DPYSL2: variants seen among roughly 807,000 people sequenced by gnomAD.
DPYSL2 encodes the protein dihydropyrimidinase-related protein 2.
A neutral mutation model predicts 69.9 loss-of-function variants in DPYSL2; 13 were observed. That is an observed-to-expected ratio of 0.19 (90% CI 0.12 to 0.30). The LOEUF is 0.30. Ranked by LOEUF, DPYSL2 falls within the 10% of genes least tolerant of loss-of-function variation. The pLI is 1.00. For synonymous variants in DPYSL2, 326 were observed against 359.1 expected, an observed-to-expected ratio of 0.91 and a Z score of 1.04; for missense variants, 587 against 918.9, an observed-to-expected ratio of 0.64 and a Z score of 4.67.
chr8:26,594,873 C>T (rs181201710), intron 3 of DPYSL2, among the ~76,000 whole-genome samples: 8 of 152,214 alleles, frequency 5.3e-5, no homozygotes, highest in Admixed American at 5.2e-4. Flanking sequence ...GCAGGAAAAA[C>T]AACGATGTAT....
At chr8:26,543,383 G>C (rs1800714811) in intron 1 of DPYSL2, among the ~76,000 whole-genome samples, 1 of 152,060 alleles carries the variant, frequency 6.6e-6, no homozygotes, top group Non-Finnish European at 1.5e-5. Context: ...AACAAGTCCT[G>C]ATATACACTG....
rs1020006069 is a variant in DPYSL2 at position 26,586,879 on chromosome 8, C to A, written c.628+2896C>A. Reference sequence around the variant, plus strand: ...TAGAGTGGGGCATCCAATGAGCGAACCTCAAGGAATAAAAGTCATCAGAGG... The same window carrying A: ...TAGAGTGGGGCATCCAATGAGCGAAACTCAAGGAATAAAAGTCATCAGAGG... On this transcript the variant is annotated intron_variant, in intron 3 of 13. Transcript: ENST00000521913. The surrounding 1 kb of genome is among the most constrained non-coding windows in gnomAD (Gnocchi z 4.7). Among the ~76,000 whole-genome samples the A allele has an allele frequency of 6.6e-6, 1 of 152,152 alleles. No individual in the cohort carries two copies. Among genetic ancestry groups the A allele is most frequent in the Admixed American group, 6.5e-5 (1 of 15,280 alleles).
Position 26,617,516 on chromosome 8 carries a change from G to GA in DPYSL2, c.629-6618dup, listed in dbSNP as rs919137760. On this transcript the variant is annotated intron_variant, in intron 3 of 13. Coordinates refer to ENST00000521913, the MANE Select transcript of DPYSL2 (RefSeq NM_001197293.3). The surrounding 1 kb of genome is among the most constrained non-coding windows in gnomAD (Gnocchi z 4.7). Reference sequence around the variant, plus strand: ...TCTCAACAAAAGAAAAAGGATAAAAGAAAAAAAAATTAAAAGTAGGGTCAT... The same window carrying GA: ...TCTCAACAAAAGAAAAAGGATAAAAGAAAAAAAAAATTAAAAGTAGGGTCAT... Among the ~76,000 whole-genome samples, 15 of 151,148 alleles carry GA rather than the reference G, an allele frequency of 9.9e-5. No homozygotes were observed. The highest frequency in any genetic ancestry group is 3.2e-4 in the African/African-American group (13 of 41,212).
intron 1 of DPYSL2, among the ~76,000 whole-genome samples, chr8:26,561,887 G>A (rs1489360764): frequency 6.6e-6 from 1 of 152,152 alleles, no homozygotes; most frequent in Non-Finnish European, 1.5e-5. Context: ...CCTACTGTGA[G>A]GCCCAGTTCC....
chr8:26,632,768 G>A (rs1185849440), intron 7 of DPYSL2, among the ~76,000 whole-genome samples: 1 of 152,226 alleles, frequency 6.6e-6, no homozygotes, highest in Admixed American at 6.5e-5. Flanking sequence ...AGACGTCCCT[G>A]TCCCCGCCTG....
chr8:26,526,303 C>T (rs1382438669), intron 1 of DPYSL2, among the ~76,000 whole-genome samples: 1 of 152,112 alleles, frequency 6.6e-6, no homozygotes, highest in Non-Finnish European at 1.5e-5. Flanking sequence ...CCATGTTAGC[C>T]AGGATGGTCT....
rs560577348 is a variant in DPYSL2 at position 26,588,279 on chromosome 8, G to A, written c.628+4296G>A. On this transcript the variant is annotated intron_variant, in intron 3 of 13. Coordinates refer to ENST00000521913, the MANE Select transcript of DPYSL2 (RefSeq NM_001197293.3). This position sits in a 1 kb window ranked among gnomAD's most constrained non-coding sequence, Gnocchi z 5.4. The stretch of plus-strand genomic sequence containing the variant: ...AGCAGGCGCTGTCTAGGCGTGGCTG[G>A]CGGACTGTGTGCTTTGTGTGTTGCT... 1.3e-5 allele frequency among the ~76,000 whole-genome samples: 2 copies of A among 152,200 alleles called. No individual in the cohort carries two copies. The highest frequency in any genetic ancestry group is 2.4e-5 in the African/African-American group (1 of 41,448).
In DPYSL2 at chr8:26,627,458, C is replaced by T. The variant is rs1802644528; in HGVS notation, c.936+163C>T. Among the ~76,000 whole-genome samples, 1 of 152,172 alleles carries T rather than the reference C, an allele frequency of 6.6e-6. No homozygotes were observed. The highest frequency in any genetic ancestry group is 1.5e-5 in the Non-Finnish European group (1 of 68,038). ...TCAGTCTCACCCATGGCATGAATGC[C>T]AGTGACACACGTGCCTCTCCGTGTG... On this transcript the variant is annotated intron_variant, in intron 6 of 13. Coordinates refer to ENST00000521913, the MANE Select transcript of DPYSL2 (RefSeq NM_001197293.3). This position sits in a 1 kb window ranked among gnomAD's most constrained non-coding sequence, Gnocchi z 6.9.
chr8:26,546,346 T>G (rs1800767777), intron 1 of DPYSL2, among the ~76,000 whole-genome samples: 1 of 152,226 alleles, frequency 6.6e-6, no homozygotes, highest in African/African-American at 2.4e-5. Flanking sequence ...CCTTGTATCT[T>G]GCAACTTTGC....
At chr8:26,623,815 G>A (rs570467493) in intron 3 of DPYSL2, 1 of 231,232 alleles carries the variant, frequency 4.3e-6, no homozygotes. Context: ...GCTGCTCCCC[G>A]GCCATTTGAC....
rs73567622 is a variant in DPYSL2, at chr8:26,617,255, T to C, written c.629-6888T>C. On this transcript the variant is annotated intron_variant, in intron 3 of 13. Coordinates refer to ENST00000521913, the MANE Select transcript of DPYSL2 (RefSeq NM_001197293.3). The surrounding 1 kb of genome is among the most constrained non-coding windows in gnomAD (Gnocchi z 4.7). Reference sequence around the variant, plus strand: ...CTCTGTGTCATTTCTTAAAACTCCATGTGAGTCTATAGTGAGTTTTAAAAA... The same window carrying C: ...CTCTGTGTCATTTCTTAAAACTCCACGTGAGTCTATAGTGAGTTTTAAAAA... Among the ~76,000 whole-genome samples the C allele has an allele frequency of 9.5e-3, 1,444 of 152,300 alleles. 24 individuals are homozygous for C. Among genetic ancestry groups the C allele is most frequent in the African/African-American group, 0.033 (1,389 of 41,560 alleles).
At chr8:26,592,313 C>T (rs1457967057) in intron 3 of DPYSL2, among the ~76,000 whole-genome samples, 3 of 152,112 alleles carry the variant, frequency 2.0e-5, no homozygotes, top group East Asian at 1.9e-4. Context: ...CCACTACACC[C>T]GGCTAATTTT....
chr8:26,581,878 A>G (rs1189245015), intron 1 of DPYSL2, 91 bp from the exon 2 acceptor site: 2 of 1,014,960 alleles, frequency 2.0e-6, no homozygotes, highest in African/African-American at 3.2e-5. Flanking sequence ...TCACTTTTGA[A>G]CAGTGAAAAT....
chr8:26,583,693 A>G, intron 2 of DPYSL2, 106 bp from the exon 3 acceptor site: 1 of 1,054,766 alleles, frequency 9.5e-7, no homozygotes. Flanking sequence ...TGAAAAGCCC[A>G]CGGCACAGAG....
At chr8:26,628,048 A>G in intron 7 of DPYSL2, 108 bp downstream of exon 7, 1 of 1,136,742 alleles carries the variant, frequency 8.8e-7, no homozygotes, top group African/African-American at 1.5e-5. Context: ...TCTGATGCTG[A>G]CTGTGGTCTT....
chr8:26,576,886 C>T (rs1390358943), intron 1 of DPYSL2, among the ~76,000 whole-genome samples: 2 of 152,220 alleles, frequency 1.3e-5, no homozygotes, highest in East Asian at 1.9e-4. Context: ...CAGCTGCCCC[C>T]GACAGCGCTG....
chr8:26,575,353 GT>G (rs372287972), intron 1 of DPYSL2, among the ~76,000 whole-genome samples: 2,027 of 147,106 alleles, frequency 0.014, 28 homozygotes, highest in Middle Eastern at 0.077. Flanking sequence ...GTGGTTTTTT[GT>G]TTTTTTTTTC....
At position 26,598,745 on chromosome 8, in the gene DPYSL2, C is replaced by A. The variant is rs962082016; in HGVS notation, c.628+14762C>A. On this transcript the variant is annotated intron_variant, in intron 3 of 13. Transcript: ENST00000521913. This position sits in a 1 kb window ranked among gnomAD's most constrained non-coding sequence, Gnocchi z 4.2. ...TCCTTGTGGGTGGATGGGAGCCTGA[C>A]ACCTGATTACAAGCTCCAGGTGAAG... Among the ~76,000 whole-genome samples the A allele has an allele frequency of 1.3e-5, 2 of 152,128 alleles. No individual in the cohort carries two copies. The highest frequency in any genetic ancestry group is 2.9e-5 in the Non-Finnish European group (2 of 68,038).
In DPYSL2 at chr8:26,581,955, C is replaced by G. The variant is rs750095391; in HGVS notation, c.355-14C>G. 1 of 1,610,116 alleles carries G rather than the reference C, an allele frequency of 6.2e-7. No homozygotes were observed. The highest frequency in any genetic ancestry group is 8.5e-7 in the Non-Finnish European group (1 of 1,176,660). ...TCAGTTACGCGTTGTGACCTTACTG[C>G]CTCTTTGTTTCAGAGCGATCGTCTT... On this transcript the variant is annotated splice_polypyrimidine_tract_variant and intron_variant, in intron 1 of 13. Transcript: ENST00000521913.
Sources: gnomAD v4.1 joint callset for allele counts (sites outside exome capture counted in the v4.1 genomes callset) on GRCh38, gnomAD v4.1.1 for gene constraint, Gnocchi (gnomAD v3.1) non-coding constraint, MANE v1.5 for transcripts, NCBI Gene and HGNC (gene_info 2026-07-23, HGNC 2026-07-21) for gene names.